ANO3: variants seen among roughly 807,000 people sequenced by gnomAD.
ANO3 encodes the protein anoctamin-3.
ANO3 carries 99 observed loss-of-function variants against 144.8 expected under a neutral mutation model. The observed-to-expected ratio is 0.68, with a 90% CI of 0.58 to 0.81. ANO3 has a LOEUF of 0.81. ANO3 is among the 30% of genes least tolerant of loss of function. The pLI is 0.00. For synonymous variants in ANO3, 414 were observed against 392.6 expected (o/e 1.05, Z -0.64); for missense variants, 905 against 1,202.2 (o/e 0.75, Z 3.66).
intron 14 of ANO3, chr11:26,565,809 A>G: frequency 2.5e-6 from 4 of 1,612,180 alleles, no homozygotes; most frequent in Non-Finnish European, 2.5e-6. Flanking sequence ...CCCCGATAGA[A>G]GTGAATAAAA....
chr11:26,241,296 A>G (rs1852660059), intron 1 of ANO3, among the ~76,000 whole-genome samples: 1 of 152,190 alleles, frequency 6.6e-6, no homozygotes, highest in Non-Finnish European at 1.5e-5. Context: ...ATGGACTAAT[A>G]CAATCCTAGT....
intron 1 of ANO3, among the ~76,000 whole-genome samples, chr11:26,361,738 T>A (rs1353811740): frequency 6.6e-6 from 1 of 152,196 alleles, no homozygotes; most frequent in Non-Finnish European, 1.5e-5. Flanking sequence ...CAATAAATTT[T>A]CATCTTTAGT....
intron 1 of ANO3, among the ~76,000 whole-genome samples, chr11:26,417,072 A>G (rs2133993091): frequency 6.6e-6 from 1 of 152,238 alleles, no homozygotes; most frequent in South Asian, 2.1e-4. Context: ...TATTGGATTC[A>G]TTCTCTAGAA....
Position 26,635,339 on chromosome 11 carries a change from CT to C in ANO3, c.2043+278del, listed in dbSNP as rs67006054. On this transcript the variant is annotated intron_variant, in intron 20 of 26. Transcript: ENST00000256737. The stretch of plus-strand genomic sequence containing the variant: ...CAGGAATTTAGCTCCAGTAATTTTC[CT>C]TTTTTTTTAAATTATTATTATTCAT... Among the ~76,000 whole-genome samples the C allele has an allele frequency of 0.11, 15,883 of 151,146 alleles. 872 individuals carry two copies. Among genetic ancestry groups the C allele is most frequent in the Admixed American group, 0.17 (2,595 of 15,164 alleles).
chr11:26,359,972 TTTA>T (rs1305944254), intron 1 of ANO3, among the ~76,000 whole-genome samples: 3 of 102,854 alleles, frequency 2.9e-5, no homozygotes, highest in African/African-American at 6.6e-5. Flanking sequence ...CAACATAAAT[TTTA>T]TATTTATATG....
At chr11:26,337,768 C>G (rs1855230503) in intron 1 of ANO3, among the ~76,000 whole-genome samples, 1 of 152,054 alleles carries the variant, frequency 6.6e-6, no homozygotes, top group Admixed American at 6.6e-5. Context: ...AACCCTGTCT[C>G]TACTAAAAAT....
chr11:26,633,168 T>C (rs2133038804), intron 18 of ANO3, among the ~76,000 whole-genome samples: 1 of 152,368 alleles, frequency 6.6e-6, no homozygotes, highest in East Asian at 1.9e-4. Flanking sequence ...TTCAATTACG[T>C]TAAAATATAT....
chr11:26,500,424 T>C (rs146863040), intron 4 of ANO3, among the ~76,000 whole-genome samples: 75 of 152,208 alleles, frequency 4.9e-4, no homozygotes, highest in African/African-American at 1.8e-3. Context: ...CCATCAGAGA[T>C]GAACAGGGTG....
At chr11:26,639,266 C>G (rs1342321376) in intron 21 of ANO3, 25 bp downstream of exon 21, 10 of 1,564,266 alleles carry the variant, frequency 6.4e-6, no homozygotes, top group African/African-American at 4.1e-5. Context: ...TTCAAACTTG[C>G]CTTATGTCTA....
At chr11:26,652,565 C>T (rs1013807774) in intron 24 of ANO3, among the ~76,000 whole-genome samples, 3 of 152,144 alleles carry the variant, frequency 2.0e-5, no homozygotes, top group Non-Finnish European at 2.9e-5. Context: ...GTAATTCACC[C>T]CTTTTTCTCA....
chr11:26,524,084 A>G (rs1849097164), intron 6 of ANO3, among the ~76,000 whole-genome samples: 2 of 152,250 alleles, frequency 1.3e-5, no homozygotes, highest in Non-Finnish European at 2.9e-5. Flanking sequence ...TGAATTAAAC[A>G]AAGGCTCATT....
chr11:26,460,947 T>A (rs1216933493), intron 3 of ANO3, among the ~76,000 whole-genome samples: 3 of 152,038 alleles, frequency 2.0e-5, no homozygotes, highest in African/African-American at 4.8e-5. Context: ...AGATTTAGAA[T>A]GAGAAATGAC....
At chr11:26,469,783 C>T (rs2134068546) in intron 4 of ANO3, among the ~76,000 whole-genome samples, 1 of 151,928 alleles carries the variant, frequency 6.6e-6, no homozygotes, top group Admixed American at 6.6e-5. Context: ...TCTTAATTCA[C>T]ACAGATATTA....
At chr11:26,217,113 G>C (rs1852049294) in intron 1 of ANO3, among the ~76,000 whole-genome samples, 1 of 151,856 alleles carries the variant, frequency 6.6e-6, no homozygotes. Context: ...TAGCACATTT[G>C]ATGTTGTACC....
chr11:26,505,012 A>T (rs1156528056), intron 4 of ANO3, among the ~76,000 whole-genome samples: 1 of 3,272 alleles, frequency 3.1e-4, no homozygotes, highest in Non-Finnish European at 5.4e-4. Context: ...ACTCCACCTC[A>T]AAAAAAAAAA....
chr11:26,189,803 T>C (rs1166114175), intron 1 of ANO3, among the ~76,000 whole-genome samples: 1 of 152,224 alleles, frequency 6.6e-6, no homozygotes, highest in African/African-American at 2.4e-5. Context: ...TTAGTTATTT[T>C]ATGATCTGAT....
upstream of ANO3, among the ~76,000 whole-genome samples, chr11:26,328,995 C>A (rs77800920): frequency 6.6e-6 from 1 of 151,664 alleles, no homozygotes; most frequent in South Asian, 2.1e-4. Context: ...GTGTATTATA[C>A]ATTAATCATG....
intron 1 of ANO3, among the ~76,000 whole-genome samples, chr11:26,416,099 A>C (rs1293525512): frequency 6.6e-6 from 1 of 152,074 alleles, no homozygotes; most frequent in Non-Finnish European, 1.5e-5. Flanking sequence ...TGCTTTAGAA[A>C]ACCCAAACAT....
chr11:26,421,147 C>T (rs1857740033), intron 1 of ANO3, among the ~76,000 whole-genome samples: 1 of 151,930 alleles, frequency 6.6e-6, no homozygotes. Flanking sequence ...GATCAGGAGA[C>T]AGAGGATGTT....
Sources: allele counts gnomAD v4.1 joint callset (sites outside exome capture counted in the v4.1 genomes callset), GRCh38; gene constraint gnomAD v4.1.1; transcripts MANE v1.5; gene names NCBI Gene and HGNC (gene_info 2026-07-23, HGNC 2026-07-21).